The following TRPA1 variants were observed in gnomAD, a reference collection of about 807,000 sequenced individuals.
TRPA1 encodes the protein transient receptor potential cation channel subfamily A member 1.
Under a neutral mutation model 131.3 loss-of-function variants are expected in TRPA1, and 129 were observed. That is an observed-to-expected ratio of 0.98 (90% CI 0.85 to 1.14). The LOEUF (loss-of-function observed/expected upper bound fraction) is 1.14, where lower values mean the gene tolerates loss of function less well. TRPA1 is among the 50% of genes most tolerant of loss of function. The probability of loss-of-function intolerance (pLI) is 0.00; values close to 1 mark genes in which losing one functional copy is unlikely to be tolerated. For synonymous variants in TRPA1, 441 were observed against 451.7 expected, an observed-to-expected ratio of 0.98 and a Z score of 0.30; for missense variants, 1,304 against 1,354.2, an observed-to-expected ratio of 0.96 and a Z score of 0.58.
At chr8:72,089,646 A>C in the TRPA1 span, among the ~76,000 whole-genome samples, 1 of 152,236 alleles carries the variant, frequency 6.6e-6, no homozygotes, top group Admixed American at 6.5e-5. Context: ...CTAAGACACA[A>C]GCTTCTCAGT....
Position 72,071,831 on chromosome 8 carries a change from AG to A in TRPA1, c.147del (p.Phe50LeufsTer7). On this transcript the variant is annotated frameshift_variant, in exon 2 of 27. Coordinates refer to ENST00000262209, the MANE Select transcript of TRPA1 (RefSeq NM_007332.3). LOFTEE classifies it high-confidence loss of function. ...VFEGSAYGLQ[N>X]FNKQKKLKRC... Reference sequence around the variant, plus strand: ...CTTTTTAATTTCTTTTGCTTATTAAAGTTTTGTAATCCATATGCACTTCCTT... The same window carrying A: ...CTTTTTAATTTCTTTTGCTTATTAAATTTTGTAATCCATATGCACTTCCTT... 5.0e-6 allele frequency: 8 copies of A among 1,612,536 alleles called. No individual in the cohort carries two copies. Among genetic ancestry groups the A allele is most frequent in the Non-Finnish European group, 6.8e-6 (8 of 1,179,832 alleles).
upstream of TRPA1, chr8:72,075,633 G>A (rs1312995657): frequency 5.3e-6 from 3 of 563,196 alleles, no homozygotes; most frequent in Admixed American, 9.2e-5. Flanking sequence ...AAGCAGGCGG[G>A]GCGCGGAGAG....
At chr8:72,035,721 T>C (rs1392005651) in intron 21 of TRPA1, among the ~76,000 whole-genome samples, 2 of 152,208 alleles carry the variant, frequency 1.3e-5, no homozygotes, top group East Asian at 3.9e-4. Context: ...CATCAGTTCA[T>C]TTTGAGTGTT....
chr8:72,049,428 C>T (rs1033357601), intron 15 of TRPA1, among the ~76,000 whole-genome samples: 1 of 152,086 alleles, frequency 6.6e-6, no homozygotes, highest in Non-Finnish European at 1.5e-5. Context: ...CAGAAGGCTC[C>T]AAATCTGGTC....
At chr8:72,046,236 CAAAT>C (rs2129434568) in intron 17 of TRPA1, among the ~76,000 whole-genome samples, 1 of 151,932 alleles carries the variant, frequency 6.6e-6, no homozygotes, top group African/African-American at 2.4e-5. Context: ...TCTTTATTAA[CAAAT>C]AAAGGTTTGA....
upstream of TRPA1, among the ~76,000 whole-genome samples, chr8:72,078,961 A>G (rs1393545720): frequency 6.6e-6 from 1 of 152,072 alleles, no homozygotes; most frequent in East Asian, 1.9e-4. Flanking sequence ...CTAATGGTAT[A>G]TACCATTGAG....
chr8:72,034,033 G>A (rs1265253211), intron 22 of TRPA1, among the ~76,000 whole-genome samples: 2 of 152,128 alleles, frequency 1.3e-5, no homozygotes, highest in East Asian at 1.9e-4. Flanking sequence ...CATCTGTGTT[G>A]TACATAAACT....
the TRPA1 span, among the ~76,000 whole-genome samples, chr8:72,081,519 G>A: frequency 3.3e-5 from 5 of 151,754 alleles, no homozygotes; most frequent in Non-Finnish European, 5.9e-5. Flanking sequence ...GGTATACTTC[G>A]GTGATAGTGT....
chr8:72,066,214 T>A (rs1563403610), intron 3 of TRPA1, among the ~76,000 whole-genome samples: 1 of 152,220 alleles, frequency 6.6e-6, no homozygotes, highest in East Asian at 1.9e-4. Context: ...TGATGGAATT[T>A]CATTGAAGAT....
At position 72,075,440 on chromosome 8, in the gene TRPA1, C is replaced by G. The variant is rs887857586; in HGVS notation, c.-31G>C. 6.4e-7 allele frequency: 1 copy of G among 1,554,078 alleles called. No individual in the cohort carries two copies. The highest frequency in any genetic ancestry group is 8.8e-7 in the Non-Finnish European group (1 of 1,135,308). The stretch of plus-strand genomic sequence containing the variant: ...CCACCCCGGACGCCACCTGGTGCAG[C>G]TGCTCACCACGCGCGCGGGCACCTG... On this transcript the variant is annotated 5_prime_UTR_variant, in exon 1 of 27. Coordinates refer to ENST00000262209, the MANE Select transcript of TRPA1 (RefSeq NM_007332.3).
chr8:72,063,611 C>T (rs755262806), intron 4 of TRPA1, 40 bp from the exon 5 acceptor site: 7 of 1,385,856 alleles, frequency 5.1e-6, no homozygotes, highest in Non-Finnish European at 7.2e-6. Context: ...ACCAGTTAAA[C>T]CCCAAATCGC....
the TRPA1 span, among the ~76,000 whole-genome samples, chr8:72,083,268 T>C: frequency 6.6e-6 from 1 of 152,210 alleles, no homozygotes; most frequent in Admixed American, 6.5e-5. Flanking sequence ...AATACTTAAC[T>C]GCTAAATCTA....
chr8:72,070,571 T>C (rs564046600), intron 2 of TRPA1, among the ~76,000 whole-genome samples: 3 of 152,236 alleles, frequency 2.0e-5, no homozygotes, highest in Non-Finnish European at 4.4e-5. Context: ...TATCTTGATC[T>C]CCTTCCTACT....
At chr8:72,041,716 CTA>C (rs758581701) in intron 17 of TRPA1, among the ~76,000 whole-genome samples, 4 of 151,546 alleles carry the variant, frequency 2.6e-5, no homozygotes, top group Non-Finnish European at 5.9e-5. Context: ...TAAAGCAATA[CTA>C]AGAGGCAAGT....
At chr8:72,024,128 T>A (rs185877644) in intron 25 of TRPA1, among the ~76,000 whole-genome samples, 36 of 152,242 alleles carry the variant, frequency 2.4e-4, no homozygotes, top group African/African-American at 8.4e-4. Context: ...CATGTACAGA[T>A]AAAACAGAAG....
At chr8:72,025,561 T>C (rs771361526) in intron 25 of TRPA1, among the ~76,000 whole-genome samples, 5 of 152,212 alleles carry the variant, frequency 3.3e-5, no homozygotes, top group Non-Finnish European at 5.9e-5. Flanking sequence ...TTCTTTATTG[T>C]GTATTCTAAA....
At chr8:72,069,487 G>A (rs1806008198) in intron 2 of TRPA1, among the ~76,000 whole-genome samples, 1 of 152,044 alleles carries the variant, frequency 6.6e-6, no homozygotes, top group Admixed American at 6.6e-5. Flanking sequence ...ATGAGTTTTG[G>A]GATTGTAATA....
At chr8:72,089,533 AT>A in the TRPA1 span, among the ~76,000 whole-genome samples, 2 of 152,126 alleles carry the variant, frequency 1.3e-5, no homozygotes, top group African/African-American at 4.8e-5. Flanking sequence ...CTAACACAAT[AT>A]CTTTAGTTCA....
At position 72,071,794 on chromosome 8, in the gene TRPA1, A is replaced by G. The variant is rs1563406718; in HGVS notation, c.185T>C (p.Met62Thr). ...AGCATAATGCAAGAAGAAGGTGTCC[A>G]TATCGTCACATCTTTTTAATTTCTT... Reference protein sequence around the residue: ...KQKKLKRCDDMDTFFLHYAAA... With the variant: ...KQKKLKRCDDTDTFFLHYAAA... The change falls in exon 2 of 27, where the codon ATG becomes ACG. Residue 62 changes from methionine to threonine, a missense_variant. By Grantham distance (81) the Met-to-Thr change is moderately conservative (BLOSUM62 -1). Coordinates refer to ENST00000262209, the MANE Select transcript of TRPA1 (RefSeq NM_007332.3). 2.5e-6 allele frequency: 4 copies of G among 1,613,530 alleles called. No individual in the cohort carries two copies. The highest frequency in any genetic ancestry group is 3.4e-6 in the Non-Finnish European group (4 of 1,179,780).
Sources: allele counts gnomAD v4.1 joint callset (sites outside exome capture counted in the v4.1 genomes callset), GRCh38; gene constraint gnomAD v4.1.1; transcripts MANE v1.5; gene names NCBI Gene and HGNC (gene_info 2026-07-23, HGNC 2026-07-21).